RNASEH2C: variants seen among roughly 807,000 people sequenced by gnomAD.
RNASEH2C encodes the protein ribonuclease H2 subunit C, also known as RNase H1 small subunit.
A neutral mutation model predicts 16.3 loss-of-function variants in RNASEH2C; 20 were observed. The observed-to-expected ratio is 1.23, with a 90% CI of 0.86 to 1.79. RNASEH2C has a LOEUF of 1.79. Ranked by LOEUF, RNASEH2C falls within the 40% of genes most tolerant of loss-of-function variation. RNASEH2C has a pLI of 0.00. For synonymous variants in RNASEH2C, 106 were observed against 98.9 expected (o/e 1.07, Z -0.43); for missense variants, 296 against 235.9 (o/e 1.25, Z -1.67).
rs772209958 is a variant in RNASEH2C at position 65,720,174 on chromosome 11, G to C, written c.349-10C>G. ...CTCCAATGAAGCGGTCCTGGGGAAG[G>C]GGCCTGGCTCAGCATCGGGACTACA... On this transcript the variant is annotated splice_polypyrimidine_tract_variant and intron_variant, in intron 2 of 3. Transcript: ENST00000308418. 3 of 1,614,254 alleles carry C rather than the reference G, an allele frequency of 1.9e-6. No individual in the cohort carries two copies. The highest frequency in any genetic ancestry group is 2.2e-5 in the South Asian group (2 of 91,092).
At position 65,720,349 on chromosome 11, in the gene RNASEH2C, C is replaced by G; in HGVS notation, c.241G>C (p.Gly81Arg). 2 of 1,614,256 alleles carry G rather than the reference C, an allele frequency of 1.2e-6. No homozygotes were observed. Among genetic ancestry groups the G allele is most frequent in the Non-Finnish European group, 1.7e-6 (2 of 1,180,054 alleles). Residue 81 changes from glycine to arginine, a missense_variant, in exon 2 of 4, where the codon GGA becomes CGA. Gly to Arg is a moderately radical substitution (Grantham distance 125, BLOSUM62 -2). Transcript: ENST00000308418. ...EEVAVPPGLVGYVMVTEEKKV... is the reference protein window; with the variant it reads ...EEVAVPPGLVRYVMVTEEKKV... The stretch of plus-strand genomic sequence containing the variant: ...TTCTCTTCTGTCACCATCACGTATC[C>G]CACGAGGCCAGGCGGCACCGCCACC...
Position 65,719,321 on chromosome 11 carries a change from A to G in RNASEH2C, c.*462T>C. 1 of 1,067,424 alleles carries G rather than the reference A, an allele frequency of 9.4e-7. No individual in the cohort carries two copies. The highest frequency in any genetic ancestry group is 1.3e-6 in the Non-Finnish European group (1 of 757,692). 66.1% of individuals were successfully genotyped at this position (1,067,424 alleles called of 1,614,324 possible). Reference sequence around the variant, plus strand: ...TCAAAAAGGAGAGGACAGGCCTGGCAGGGGCCCACTGGTGCCCAGCACCAA... The same window carrying G: ...TCAAAAAGGAGAGGACAGGCCTGGCGGGGGCCCACTGGTGCCCAGCACCAA... On this transcript the variant is annotated 3_prime_UTR_variant, in exon 4 of 4. Transcript: ENST00000308418.
intron 3 of RNASEH2C, 59 bp from the exon 4 acceptor site, chr11:65,719,868 C>A (rs748939747): frequency 1.2e-6 from 2 of 1,610,252 alleles, no homozygotes; most frequent in East Asian, 2.2e-5. Context: ...AGCTGGCCCC[C>A]ATACCCGAGG....
chr11:65,720,762 C>A lies in RNASEH2C; in HGVS notation c.-4G>T, dbSNP rs1350597479. 1.9e-6 allele frequency: 3 copies of A among 1,583,830 alleles called. No homozygotes were observed. The highest frequency in any genetic ancestry group is 2.3e-5 in the South Asian group (2 of 87,998). ...CCGCTTCGTCGCCGCTCTCCATCCT[C>A]CCTCCTACGCGACGCCAGGGCTCGC... On this transcript the variant is annotated 5_prime_UTR_variant, in exon 1 of 4. Coordinates refer to ENST00000308418, the MANE Select transcript of RNASEH2C (RefSeq NM_032193.4).
rs1182636033 is a variant in RNASEH2C, at chr11:65,719,630, A to T, written c.*153T>A. On this transcript the variant is annotated 3_prime_UTR_variant, in exon 4 of 4. Transcript: ENST00000308418. ...GAGCCATGCAAAGTTCTTGGTGGGG[A>T]GGGGGAAAGGGCCCATGCTGGCTTA... 5.1e-6 allele frequency: 4 copies of T among 779,338 alleles called. No homozygotes were observed. Among genetic ancestry groups the T allele is most frequent in the Non-Finnish European group, 9.0e-6 (4 of 444,466 alleles). 48.3% of individuals were successfully genotyped at this position (779,338 alleles called of 1,614,324 possible).
rs1857355114 is a variant in RNASEH2C at position 65,720,452 on chromosome 11, C to T, written c.173-35G>A. 4.3e-6 allele frequency: 7 copies of T among 1,610,114 alleles called. No individual in the cohort carries two copies. In the East Asian group the frequency reaches 1.1e-4, roughly 26 times the overall value. On this transcript the variant is annotated intron_variant, in intron 1 of 3. Coordinates refer to ENST00000308418, the MANE Select transcript of RNASEH2C (RefSeq NM_032193.4). Reference sequence around the variant, plus strand: ...GAGGCGCAAAGGGCCTCAGGCAGGACCCACGCTGGGTCGAGCCCGGAGCTG... The same window carrying T: ...GAGGCGCAAAGGGCCTCAGGCAGGATCCACGCTGGGTCGAGCCCGGAGCTG...
chr11:65,718,568 C>T lies in RNASEH2C; in HGVS notation c.*1215G>A, dbSNP rs1246164304. Reference sequence around the variant, plus strand: ...GTTCATCTGTGACCTCTTACTCACCCTCTCCTGCTCCATTGCTTTAGGCTA... The same window carrying T: ...GTTCATCTGTGACCTCTTACTCACCTTCTCCTGCTCCATTGCTTTAGGCTA... On this transcript the variant is annotated 3_prime_UTR_variant, in exon 4 of 4. Transcript: ENST00000308418. 6.2e-7 allele frequency: 1 copy of T among 1,604,488 alleles called. No homozygotes were observed. Among genetic ancestry groups the T allele is most frequent in the Admixed American group, 1.7e-5 (1 of 58,916 alleles).
Position 65,719,792 on chromosome 11 carries a change from G to A in RNASEH2C, c.486C>T (p.Pro162=). The A allele has an allele frequency of 1.2e-6, 2 of 1,614,086 alleles. No homozygotes were observed. The highest frequency in any genetic ancestry group is 1.7e-6 in the Non-Finnish European group (2 of 1,180,008). Residue 162 remains proline, a synonymous_variant, in exon 4 of 4, where the codon CCC becomes CCT. Coordinates refer to ENST00000308418, the MANE Select transcript of RNASEH2C (RefSeq NM_032193.4). ...SLAAAIHAQV[P]ED The stretch of plus-strand genomic sequence containing the variant: ...TTTCAAGCTCTGGTTCTCAGTCCTC[G>A]GGCACCTGTGCGTGAATCTGCAACA...
chr11:65,717,938 G>A lies in RNASEH2C; in HGVS notation c.*1845C>T, dbSNP rs1857257051. On this transcript the variant is annotated 3_prime_UTR_variant, in exon 4 of 4. Coordinates refer to ENST00000308418, the MANE Select transcript of RNASEH2C (RefSeq NM_032193.4). ...TGACCAAGAGATGTGAAGCCACTCAGGGCTGTGCAGGGTCTGAGGATCTCA... is the reference window on the plus strand; with the variant it reads ...TGACCAAGAGATGTGAAGCCACTCAAGGCTGTGCAGGGTCTGAGGATCTCA... 1 of 153,338 alleles carries A rather than the reference G, an allele frequency of 6.5e-6. No individual in the cohort carries two copies. Among genetic ancestry groups the A allele is most frequent in the South Asian group, 2.1e-4 (1 of 4,868 alleles). The allele number at this position is 153,338 out of a possible 1,614,324, so 9.5% of individuals were successfully genotyped here. A position where few individuals can be genotyped will look rare whatever the true frequency, so the allele number is the denominator to read the frequency against.
chr11:65,719,122 A>G lies in RNASEH2C; in HGVS notation c.*661T>C. ...GGCCATGCTCAAGCGGCTCCTGCGGATCGACTCCAAGTGTCTGCACTTCAC... is the reference window on the plus strand; with the variant it reads ...GGCCATGCTCAAGCGGCTCCTGCGGGTCGACTCCAAGTGTCTGCACTTCAC... On this transcript the variant is annotated 3_prime_UTR_variant, in exon 4 of 4. Coordinates refer to ENST00000308418, the MANE Select transcript of RNASEH2C (RefSeq NM_032193.4). 1 of 1,614,192 alleles carries G rather than the reference A, an allele frequency of 6.2e-7. No individual in the cohort carries two copies. The highest frequency in any genetic ancestry group is 8.5e-7 in the Non-Finnish European group (1 of 1,180,026).
chr11:65,718,433 G>A lies in RNASEH2C; in HGVS notation c.*1350C>T, dbSNP rs1565211285. The A allele has an allele frequency of 1.4e-6, 1 of 727,046 alleles. No homozygotes were observed. The highest frequency in any genetic ancestry group is 2.5e-5 in the East Asian group (1 of 40,444). 45.0% of individuals were successfully genotyped at this position (727,046 alleles called of 1,614,324 possible). A position where few individuals can be genotyped will look rare whatever the true frequency, so the allele number is the denominator to read the frequency against. ...AAAGAGTGAATACTCAGTTCTTCCTGAGGGAACTGAGGCACAGAGAAGTGG... is the reference window on the plus strand; with the variant it reads ...AAAGAGTGAATACTCAGTTCTTCCTAAGGGAACTGAGGCACAGAGAAGTGG... On this transcript the variant is annotated 3_prime_UTR_variant, in exon 4 of 4. Transcript: ENST00000308418.
Position 65,718,097 on chromosome 11 carries a change from A to G in RNASEH2C, c.*1686T>C, listed in dbSNP as rs1219356706. The stretch of plus-strand genomic sequence containing the variant: ...ACCTTGGTGCACCTTTTCTCCTTGC[A>G]TCCTCACAACCACCCAGTCAGGCCA... On this transcript the variant is annotated 3_prime_UTR_variant, in exon 4 of 4. Transcript: ENST00000308418. 1.9e-5 allele frequency: 3 copies of G among 153,990 alleles called. No individual in the cohort carries two copies. Among genetic ancestry groups the G allele is most frequent in the Non-Finnish European group, 4.3e-5 (3 of 69,354 alleles). The allele number at this position is 153,990 out of a possible 1,614,324, so 9.5% of individuals were successfully genotyped here. A position where few individuals can be genotyped will look rare whatever the true frequency, so the allele number is the denominator to read the frequency against.
intron 1 of RNASEH2C, 36 bp downstream of exon 1, chr11:65,720,551 G>T: frequency 6.6e-7 from 1 of 1,519,872 alleles, no homozygotes; most frequent in South Asian, 1.2e-5. Flanking sequence ...CCGGCGCGGG[G>T]GCTGCCGGGA....
chr11:65,718,798 T>A lies in RNASEH2C; in HGVS notation c.*985A>T, dbSNP rs372421554. On this transcript the variant is annotated 3_prime_UTR_variant, in exon 4 of 4. Coordinates refer to ENST00000308418, the MANE Select transcript of RNASEH2C (RefSeq NM_032193.4). ...GGGGTACATGGCATGGCTTGTCTGT[T>A]CCTGGGCTTTCTCTCTCAGGGCTCC... is the stretch of plus-strand genomic sequence containing the variant. 4.3e-6 allele frequency: 7 copies of A among 1,613,994 alleles called. No homozygotes were observed. The highest frequency in any genetic ancestry group is 5.9e-6 in the Non-Finnish European group (7 of 1,179,886).
At position 65,719,369 on chromosome 11, in the gene RNASEH2C, A is replaced by G. The variant is rs1857319762; in HGVS notation, c.*414T>C. Reference sequence around the variant, plus strand: ...CAAGGCGAGCTCCGGGCTCAGACCAACTCCAAGGTCAGCTGGCCACAGGCC... The same window carrying G: ...CAAGGCGAGCTCCGGGCTCAGACCAGCTCCAAGGTCAGCTGGCCACAGGCC... On this transcript the variant is annotated 3_prime_UTR_variant, in exon 4 of 4. Coordinates refer to ENST00000308418, the MANE Select transcript of RNASEH2C (RefSeq NM_032193.4). The G allele has an allele frequency of 1.4e-6, 1 of 706,206 alleles. No homozygotes were observed. The highest frequency in any genetic ancestry group is 1.8e-5 in the African/African-American group (1 of 55,632). 43.7% of individuals were successfully genotyped at this position (706,206 alleles called of 1,614,324 possible).
chr11:65,720,590 C>CG lies in RNASEH2C; in HGVS notation c.168dup (p.Glu57ArgfsTer49). On this transcript the variant is annotated frameshift_variant, in exon 1 of 4. Transcript: ENST00000308418. LOFTEE classifies it high-confidence loss of function. ...GTAGTCCGGCCGCAGGGCTCACCCT[C>CG]GGGGCCCTGGCGGATGGCGGGCGTG... is the stretch of plus-strand genomic sequence containing the variant. The CG allele has an allele frequency of 6.5e-7, 1 of 1,532,742 alleles. No individual in the cohort carries two copies. The highest frequency in any genetic ancestry group is 1.2e-5 in the South Asian group (1 of 83,870). The allele number at this position is 1,532,742 out of a possible 1,614,324, so 94.9% of individuals were successfully genotyped here.
Position 65,720,431 on chromosome 11 carries a change from C to T in RNASEH2C, c.173-14G>A, listed in dbSNP as rs886048502. On this transcript the variant is annotated splice_polypyrimidine_tract_variant and intron_variant, in intron 1 of 3. Transcript: ENST00000308418. The stretch of plus-strand genomic sequence containing the variant: ...ACACTTCGAGTCCTGGAGCGGGAGG[C>T]GCAAAGGGCCTCAGGCAGGACCCAC... 1.2e-6 allele frequency: 2 copies of T among 1,612,768 alleles called. No individual in the cohort carries two copies. The highest frequency in any genetic ancestry group is 1.7e-6 in the Non-Finnish European group (2 of 1,180,006).
In RNASEH2C at chr11:65,719,263, A is replaced by G. The variant is rs1466018694; in HGVS notation, c.*520T>C. 8 of 1,500,130 alleles carry G rather than the reference A, an allele frequency of 5.3e-6. No individual in the cohort carries two copies. Among genetic ancestry groups the G allele is most frequent in the Non-Finnish European group, 6.4e-6 (7 of 1,099,200 alleles). 92.9% of individuals were successfully genotyped at this position (1,500,130 alleles called of 1,614,324 possible). A position where few individuals can be genotyped will look rare whatever the true frequency, so the allele number is the denominator to read the frequency against. Reference sequence around the variant, plus strand: ...CCCCGCCCCCACTGCAGCTCCCACAAAGCACTCTAAGGGAGATGGGGCTGA... The same window carrying G: ...CCCCGCCCCCACTGCAGCTCCCACAGAGCACTCTAAGGGAGATGGGGCTGA... On this transcript the variant is annotated 3_prime_UTR_variant, in exon 4 of 4. Coordinates refer to ENST00000308418, the MANE Select transcript of RNASEH2C (RefSeq NM_032193.4).
Position 65,719,231 on chromosome 11 carries a change from T to G in RNASEH2C, c.*552A>C. ...AAGACGGCAGCAGGACTGGGGCTGA[T>G]AGCCCACCCCGCCCCCACTGCAGCT... On this transcript the variant is annotated 3_prime_UTR_variant, in exon 4 of 4. Transcript: ENST00000308418. The G allele has an allele frequency of 6.3e-7, 1 of 1,597,208 alleles. No individual in the cohort carries two copies. Among genetic ancestry groups the G allele is most frequent in the Non-Finnish European group, 8.5e-7 (1 of 1,171,400 alleles).
Sources: allele counts gnomAD v4.1 joint callset, GRCh38; gene constraint gnomAD v4.1.1; transcripts MANE v1.5; gene names NCBI Gene and HGNC (gene_info 2026-07-23, HGNC 2026-07-21).